Variants in SLC16A14 observed in about 807,000 individuals in gnomAD.
SLC16A14 encodes the protein solute carrier family 16 member 14.
Under a neutral mutation model 35.8 loss-of-function variants are expected in SLC16A14, and 14 were observed. The ratio of observed to expected loss-of-function variants is 0.39; its 90% confidence interval spans 0.26 to 0.61. SLC16A14 has a LOEUF of 0.61. SLC16A14 is among the 20% of genes least tolerant of loss of function. The pLI is 0.51. For missense variants in SLC16A14, 533 were observed against 655.0 expected (o/e 0.81, Z 2.03); for synonymous variants, 248 against 258.9 (o/e 0.96, Z 0.40).
intron 4 of SLC16A14, among the ~76,000 whole-genome samples, chr2:230,042,576 T>C (rs900814053): frequency 6.6e-6 from 1 of 152,186 alleles, no homozygotes; most frequent in Admixed American, 6.5e-5. Context: ...AGTCCATTTC[T>C]GCATACAGTG....
chr2:230,062,685 C>A (rs2077760465), intron 1 of SLC16A14, among the ~76,000 whole-genome samples: 1 of 152,086 alleles, frequency 6.6e-6, no homozygotes, highest in East Asian at 1.9e-4. Flanking sequence ...TTTGCTGACC[C>A]CTGGACTAGA....
chr2:230,038,823 C>A lies in SLC16A14; in HGVS notation c.1382-1292G>T, dbSNP rs987358736. On this transcript the variant is annotated intron_variant, in intron 4 of 4. Coordinates refer to ENST00000295190, the MANE Select transcript of SLC16A14 (RefSeq NM_152527.5). This position sits in a 1 kb window ranked among gnomAD's most constrained non-coding sequence, Gnocchi z 4.4. Reference sequence around the variant, plus strand: ...CCAGGAGGCTGAGGCATGAGAATTGCTGGAACCCAGGAGGCAGAGGTTGCA... The same window carrying A: ...CCAGGAGGCTGAGGCATGAGAATTGATGGAACCCAGGAGGCAGAGGTTGCA... 1.3e-5 allele frequency among the ~76,000 whole-genome samples: 2 copies of A among 152,116 alleles called. No individual in the cohort carries two copies. Among genetic ancestry groups the A allele is most frequent in the Non-Finnish European group, 2.9e-5 (2 of 68,022 alleles).
chr2:230,064,261 C>G (rs1182997727), intron 1 of SLC16A14, among the ~76,000 whole-genome samples: 2 of 151,784 alleles, frequency 1.3e-5, no homozygotes, highest in Non-Finnish European at 2.9e-5. Context: ...GGGAAGTCTT[C>G]CAGTATGTCT....
chr2:230,052,126 G>A (rs1019992129), intron 2 of SLC16A14, among the ~76,000 whole-genome samples: 8 of 152,012 alleles, frequency 5.3e-5, no homozygotes, highest in Non-Finnish European at 1.0e-4. Context: ...TAGTAGAGAC[G>A]GGGTTTCACC....
chr2:230,048,973 G>C (rs1219842288), intron 3 of SLC16A14, among the ~76,000 whole-genome samples: 1 of 146,226 alleles, frequency 6.8e-6, no homozygotes, highest in Non-Finnish European at 1.5e-5. Flanking sequence ...GTAAATGAAC[G>C]TTATTGGTTT....
Position 230,049,824 on chromosome 2 carries a change from A to C in SLC16A14, c.340T>G (p.Trp114Gly). The stretch of plus-strand genomic sequence containing the variant: ...TTTGCAGCATAGGCACTCAACACCC[A>C]GCCCAGGGAGTTGACGAGCCCTCCA... ...IIGGLVNSLG[W>G]VLSAYAANVH... Residue 114 changes from tryptophan to glycine, a missense_variant, in exon 3 of 5, where the codon TGG becomes GGG. By Grantham distance (184) the Trp-to-Gly change is radical. Coordinates refer to ENST00000295190, the MANE Select transcript of SLC16A14 (RefSeq NM_152527.5). The C allele has an allele frequency of 6.2e-7, 1 of 1,614,158 alleles. No homozygotes were observed. The highest frequency in any genetic ancestry group is 8.5e-7 in the Non-Finnish European group (1 of 1,179,990).
At chr2:230,058,315 T>C (rs922081969) in intron 2 of SLC16A14, 1 of 152,110 alleles carries the variant, frequency 6.6e-6, no homozygotes, top group Admixed American at 6.6e-5. Flanking sequence ...CCACTACCAC[T>C]GGACCAGCCA....
intron 4 of SLC16A14, among the ~76,000 whole-genome samples, chr2:230,043,743 T>G (rs1168735154): frequency 1.3e-5 from 2 of 152,226 alleles, no homozygotes; most frequent in Non-Finnish European, 2.9e-5. Context: ...CTATGCAGAC[T>G]CCTGTCTCCA....
rs1237275275 is a variant in SLC16A14, at chr2:230,068,737, G to C, written c.-197C>G. Reference sequence around the variant, plus strand: ...CCCGGCTCGGTGCGCTCTGTGAGGGGCTCCCGGGCTCTTCCGCCGCTCGCT... The same window carrying C: ...CCCGGCTCGGTGCGCTCTGTGAGGGCCTCCCGGGCTCTTCCGCCGCTCGCT... On this transcript the variant is annotated 5_prime_UTR_variant, in exon 1 of 5. Coordinates refer to ENST00000295190, the MANE Select transcript of SLC16A14 (RefSeq NM_152527.5). The surrounding 1 kb of genome is among the most constrained non-coding windows in gnomAD (Gnocchi z 5.1). 1 of 152,726 alleles carries C rather than the reference G, an allele frequency of 6.5e-6. No individual in the cohort carries two copies. Among genetic ancestry groups the C allele is most frequent in the Non-Finnish European group, 1.5e-5 (1 of 68,122 alleles). The allele number at this position is 152,726 out of a possible 1,614,324, so 9.5% of individuals were successfully genotyped here.
chr2:230,066,361 C>T (rs986346567), intron 1 of SLC16A14, among the ~76,000 whole-genome samples: 1 of 151,310 alleles, frequency 6.6e-6, no homozygotes, highest in African/African-American at 2.4e-5. Flanking sequence ...GGAAGCTTGA[C>T]AAAAAATATT....
intron 2 of SLC16A14, among the ~76,000 whole-genome samples, chr2:230,052,230 C>T (rs541497134): frequency 3.8e-4 from 58 of 152,114 alleles, no homozygotes; most frequent in African/African-American, 1.3e-3. Flanking sequence ...CCACCGCGCC[C>T]GGCCTAAACA....
At chr2:230,053,230 T>C (rs1166023533) in intron 2 of SLC16A14, among the ~76,000 whole-genome samples, 1 of 152,152 alleles carries the variant, frequency 6.6e-6, no homozygotes, top group Non-Finnish European at 1.5e-5. Context: ...TGAGCCACTG[T>C]GCCAGCTGAG....
At chr2:230,044,702 ATT>A (rs2077587240) in intron 4 of SLC16A14, among the ~76,000 whole-genome samples, 1 of 103,590 alleles carries the variant, frequency 9.7e-6, no homozygotes, top group Non-Finnish European at 2.0e-5. Flanking sequence ...ATAAGTCTGT[ATT>A]TGTGTGTGTG....
At position 230,036,656 on chromosome 2, in the gene SLC16A14, C is replaced by T. The variant is rs2077521719; in HGVS notation, c.*724G>A. The T allele has an allele frequency of 1.3e-5, 2 of 152,158 alleles. No homozygotes were observed. Among genetic ancestry groups the T allele is most frequent in the Non-Finnish European group, 2.9e-5 (2 of 68,018 alleles). The allele number at this position is 152,158 out of a possible 1,614,324, so 9.4% of individuals were successfully genotyped here. On this transcript the variant is annotated 3_prime_UTR_variant, in exon 5 of 5. Transcript: ENST00000295190. ...TTTAATGTTGTGCGTACAAATACGG[C>T]TTCTGCTAAGGAAATCATTACTGTT...
At chr2:230,050,024 G>T (rs569877012) in intron 2 of SLC16A14, 120 bp from the exon 3 acceptor site, 330 of 1,163,332 alleles carry the variant, frequency 2.8e-4, no homozygotes, top group Non-Finnish European at 3.8e-4. Flanking sequence ...GACACAAAAA[G>T]CCCCCATTGC....
At chr2:230,047,222 T>C (rs1462934743) in intron 3 of SLC16A14, among the ~76,000 whole-genome samples, 1 of 151,492 alleles carries the variant, frequency 6.6e-6, no homozygotes, top group Non-Finnish European at 1.5e-5. Flanking sequence ...TCCTCGCCTA[T>C]AACACAAAAA....
In SLC16A14 at chr2:230,046,093, T is replaced by C; in HGVS notation, c.1033A>G (p.Asn345Asp). Residue 345 changes from asparagine to aspartate, a missense_variant, in exon 4 of 5, where the codon AAC becomes GAC. Asn to Asp is a conservative substitution (Grantham distance 23). Transcript: ENST00000295190. The surrounding 1 kb of genome is among the most constrained non-coding windows in gnomAD (Gnocchi z 5.0). ...AAAACGTCGTTTTGCTCCGATAAGT[T>C]ATACAAATTGACGATTTCTGGGAGG... ...IHLPEIVNLY[N>D]LSEQNDVFPL... 1 of 1,614,044 alleles carries C rather than the reference T, an allele frequency of 6.2e-7. No homozygotes were observed. The highest frequency in any genetic ancestry group is 8.5e-7 in the Non-Finnish European group (1 of 1,179,918).
In SLC16A14 at chr2:230,046,822, T is replaced by C; in HGVS notation, c.404-100A>G. On this transcript the variant is annotated intron_variant, in intron 3 of 4. Transcript: ENST00000295190. The surrounding 1 kb of genome is among the most constrained non-coding windows in gnomAD (Gnocchi z 5.0). Reference sequence around the variant, plus strand: ...CACCTGCATTTCCTTAATTAGCATCTATTTATGCTTTTTATTTCTAACAAA... The same window carrying C: ...CACCTGCATTTCCTTAATTAGCATCCATTTATGCTTTTTATTTCTAACAAA... 7.6e-7 allele frequency: 1 copy of C among 1,314,712 alleles called. No individual in the cohort carries two copies. Among genetic ancestry groups the C allele is most frequent in the Non-Finnish European group, 1.0e-6 (1 of 981,184 alleles). 81.4% of individuals were successfully genotyped at this position (1,314,712 alleles called of 1,614,324 possible).
chr2:230,063,270 T>TA lies in SLC16A14; in HGVS notation c.-14-3905dup, dbSNP rs1272926016. 1.5e-4 allele frequency among the ~76,000 whole-genome samples: 19 copies of TA among 127,542 alleles called. No individual in the cohort carries two copies. The East Asian group carries it at 4.5e-3, about 30-fold the overall frequency. 83.7% of individuals were successfully genotyped at this position (127,542 alleles called of 152,430 possible). On this transcript the variant is annotated intron_variant, in intron 1 of 4. Transcript: ENST00000295190. ...CACGTCACTGCACTCCAGCCTGGGT[T>TA]AAAGAGCGAAACTCTGTCTCAAAAA...
Sources: allele counts gnomAD v4.1 joint callset (sites outside exome capture counted in the v4.1 genomes callset), GRCh38; gene constraint gnomAD v4.1.1; non-coding constraint Gnocchi (gnomAD v3.1); transcripts MANE v1.5; gene names NCBI Gene and HGNC (gene_info 2026-07-23, HGNC 2026-07-21).